GPSM1: variants seen among roughly 807,000 people sequenced by gnomAD.
GPSM1 encodes the protein G protein-signaling modulator 1.
GPSM1 carries 48 observed loss-of-function variants against 70.5 expected under a neutral mutation model. The ratio of observed to expected loss-of-function variants is 0.68; its 90% CI spans 0.54 to 0.87. GPSM1 has a LOEUF of 0.87. GPSM1 is among the 40% of genes least tolerant of loss of function. The pLI is 0.00. For synonymous variants in GPSM1, 416 were observed against 430.1 expected, an observed-to-expected ratio of 0.97 and a Z score of 0.41; for missense variants, 981 against 972.6, an observed-to-expected ratio of 1.01 and a Z score of -0.11.
intron 13 of GPSM1, among the ~76,000 whole-genome samples, chr9:136,357,695 G>A (rs1481347389): frequency 6.6e-6 from 1 of 152,212 alleles, no homozygotes; most frequent in African/African-American, 2.4e-5. Flanking sequence ...GTGGGGAGCA[G>A]GCATCCAACG....
chr9:136,335,928 G>C, intron 2 of GPSM1, 38 bp from the exon 3 acceptor site: 1 of 1,605,384 alleles, frequency 6.2e-7, no homozygotes, highest in South Asian at 1.1e-5. Flanking sequence ...GGCCTGACCA[G>C]TCCTCAGCCT....
At chr9:136,336,433 G>A (rs546634018) in intron 3 of GPSM1, among the ~76,000 whole-genome samples, 15 of 152,306 alleles carry the variant, frequency 9.8e-5, no homozygotes, top group Non-Finnish European at 1.3e-4. Flanking sequence ...TCTGGGCTGC[G>A]GCAGTGGGAG....
At position 136,358,408 on chromosome 9, in the gene GPSM1, G is replaced by T; in HGVS notation, c.*188G>T. The T allele has an allele frequency of 1.6e-6, 1 of 609,476 alleles. No individual in the cohort carries two copies. The highest frequency in any genetic ancestry group is 2.8e-6 in the Non-Finnish European group (1 of 356,000). The allele number at this position is 609,476 out of a possible 1,614,324, so 37.8% of individuals were successfully genotyped here. A position where few individuals can be genotyped will look rare whatever the true frequency, so the allele number is the denominator to read the frequency against. On this transcript the variant is annotated 3_prime_UTR_variant, in exon 14 of 14. Transcript: ENST00000440944. The stretch of plus-strand genomic sequence containing the variant: ...GTGGGAGGGCGTGCTTCCATCCCGG[G>T]CTGGCCCCCATGGCCCTCAGCTTCC...
chr9:136,355,083 G>A (rs183429929), intron 11 of GPSM1: 1 of 323,602 alleles, frequency 3.1e-6, no homozygotes, highest in East Asian at 2.9e-4. Context: ...CACATCCTGG[G>A]AGAGGGGTAG....
In GPSM1 at chr9:136,327,662, G is replaced by GCGCTCCCGGCTCC. The variant is rs1309899776; in HGVS notation, c.-25_-13dup. 1.2e-6 allele frequency: 1 copy of GCGCTCCCGGCTCC among 859,438 alleles called. No homozygotes were observed. Among genetic ancestry groups the GCGCTCCCGGCTCC allele is most frequent in the African/African-American group, 1.8e-5 (1 of 55,006 alleles). 53.2% of individuals were successfully genotyped at this position (859,438 alleles called of 1,614,324 possible). A position where few individuals can be genotyped will look rare whatever the true frequency, so the allele number is the denominator to read the frequency against. On this transcript the variant is annotated 5_prime_UTR_variant, in exon 1 of 14. Transcript: ENST00000440944. ...GGGGCGGACGGCCACGGCGCGGGGG[G>GCGCTCCCGGCTCC]CGCTCCCGGCTCCCGCTCCCGCGTC...
In GPSM1 at chr9:136,358,493, G is replaced by A; in HGVS notation, c.*273G>A. On this transcript the variant is annotated 3_prime_UTR_variant, in exon 14 of 14. Coordinates refer to ENST00000440944, the MANE Select transcript of GPSM1 (RefSeq NM_001145638.3). ...TTCGGCATGTCGGCCCCGACCTGGT[G>A]CTGTCAGACTCCCGCATCCTCTCCC... The A allele has an allele frequency of 1.8e-6, 1 of 546,214 alleles. No individual in the cohort carries two copies. The highest frequency in any genetic ancestry group is 3.2e-6 in the Non-Finnish European group (1 of 312,930). The allele number at this position is 546,214 out of a possible 1,614,324, so 33.8% of individuals were successfully genotyped here.
chr9:136,357,941 C>A, intron 13 of GPSM1, 73 bp from the exon 14 acceptor site: 1 of 1,225,386 alleles, frequency 8.2e-7, no homozygotes, highest in Non-Finnish European at 1.2e-6. Context: ...GCCTCTGGAA[C>A]CACCGCTGCT....
chr9:136,342,377 G>A lies in GPSM1; in HGVS notation c.1207+1384G>A, dbSNP rs1402434755. The stretch of plus-strand genomic sequence containing the variant: ...CGACGTTTTCTTTCTTGGAGCCAAG[G>A]AAAAGGGGGGCCGGAGTGGGAGGAC... On this transcript the variant is annotated intron_variant, in intron 9 of 13. Transcript: ENST00000440944. The surrounding 1 kb of genome is among the most constrained non-coding windows in gnomAD (Gnocchi z 5.5). Among the ~76,000 whole-genome samples the A allele has an allele frequency of 6.6e-6, 1 of 152,208 alleles. No homozygotes were observed. Among genetic ancestry groups the A allele is most frequent in the Non-Finnish European group, 1.5e-5 (1 of 68,024 alleles).
intron 13 of GPSM1, 43 bp downstream of exon 13, chr9:136,356,593 C>T (rs1554773234): frequency 6.8e-7 from 1 of 1,476,016 alleles, no homozygotes; most frequent in Non-Finnish European, 9.3e-7. Flanking sequence ...GGCCCCTTTG[C>T]CATCCACGTG....
At chr9:136,332,522 C>G (rs1832125830) in intron 1 of GPSM1, among the ~76,000 whole-genome samples, 2 of 152,216 alleles carry the variant, frequency 1.3e-5, no homozygotes, top group African/African-American at 4.8e-5. Flanking sequence ...CCCTCTCCTC[C>G]GATGTTGCCT....
Position 136,343,010 on chromosome 9 carries a change from G to C in GPSM1, c.1207+2017G>C, listed in dbSNP as rs540597852. 2.0e-5 allele frequency among the ~76,000 whole-genome samples: 3 copies of C among 152,222 alleles called. No individual in the cohort carries two copies. The highest frequency in any genetic ancestry group is 2.1e-4 in the South Asian group (1 of 4,830). On this transcript the variant is annotated intron_variant, in intron 9 of 13. Coordinates refer to ENST00000440944, the MANE Select transcript of GPSM1 (RefSeq NM_001145638.3). The surrounding 1 kb of genome is among the most constrained non-coding windows in gnomAD (Gnocchi z 6.0). The stretch of plus-strand genomic sequence containing the variant: ...CGTTGATAAACACAAGGAGACTTAC[G>C]TGCGGCTGGAGGACAAAGAGCCTTG...
intron 1 of GPSM1, among the ~76,000 whole-genome samples, 158 bp from the exon 2 acceptor site, chr9:136,334,289 A>G (rs957277550): frequency 1.9e-4 from 29 of 152,360 alleles, no homozygotes; most frequent in African/African-American, 6.7e-4. Context: ...ACGTGCTTCC[A>G]GGCCTGTATC....
At chr9:136,338,950 C>T (rs1832320447) in intron 7 of GPSM1, among the ~76,000 whole-genome samples, 1 of 152,198 alleles carries the variant, frequency 6.6e-6, no homozygotes, top group Non-Finnish European at 1.5e-5. Context: ...CCTGTTGCCC[C>T]CACCACCCAT....
intron 1 of GPSM1, among the ~76,000 whole-genome samples, chr9:136,329,672 C>T (rs1554768288): frequency 6.6e-6 from 1 of 152,218 alleles, no homozygotes; most frequent in Non-Finnish European, 1.5e-5. Flanking sequence ...ACTGACATTC[C>T]TTCCTGGAGA....
chr9:136,351,222 C>T (rs1832654226), intron 11 of GPSM1, among the ~76,000 whole-genome samples: 1 of 152,212 alleles, frequency 6.6e-6, no homozygotes, highest in African/African-American at 2.4e-5. Context: ...CCCAGCACTG[C>T]CCAACCATCT....
At position 136,336,901 on chromosome 9, in the gene GPSM1, A is replaced by C. The variant is rs782180954; in HGVS notation, c.427-20A>C. On this transcript the variant is annotated intron_variant, in intron 3 of 13. Transcript: ENST00000440944. ...GGGGGGCCGTGGAGGCATGCCCCCA[A>C]CCCTCCGTACTGCCCACAGGTTGGG... The C allele has an allele frequency of 1.9e-6, 3 of 1,546,890 alleles. No individual in the cohort carries two copies. Among genetic ancestry groups the C allele is most frequent in the South Asian group, 2.4e-5 (2 of 83,750 alleles).
intron 9 of GPSM1, among the ~76,000 whole-genome samples, chr9:136,347,555 G>A (rs113445785): frequency 7.9e-5 from 12 of 152,074 alleles, no homozygotes; most frequent in Non-Finnish European, 1.2e-4. Context: ...TTCCGCCGTC[G>A]TCCCCTCTGC....
At position 136,342,387 on chromosome 9, in the gene GPSM1, G is replaced by A. The variant is rs1200578665; in HGVS notation, c.1207+1394G>A. 6.6e-6 allele frequency among the ~76,000 whole-genome samples: 1 copy of A among 152,222 alleles called. No individual in the cohort carries two copies. Among genetic ancestry groups the A allele is most frequent in the African/African-American group, 2.4e-5 (1 of 41,462 alleles). ...TTTCTTGGAGCCAAGGAAAAGGGGG[G>A]CCGGAGTGGGAGGACGCTGGAACAA... On this transcript the variant is annotated intron_variant, in intron 9 of 13. Coordinates refer to ENST00000440944, the MANE Select transcript of GPSM1 (RefSeq NM_001145638.3). The surrounding 1 kb of genome is among the most constrained non-coding windows in gnomAD (Gnocchi z 5.5).
chr9:136,352,949 G>A (rs538005672), intron 11 of GPSM1: 104 of 221,754 alleles, frequency 4.7e-4, no homozygotes, highest in African/African-American at 2.1e-3. Flanking sequence ...GTGTGTGCAC[G>A]CACTCAAGTG....
Sources: allele counts gnomAD v4.1 joint callset (sites outside exome capture counted in the v4.1 genomes callset), GRCh38; gene constraint gnomAD v4.1.1; non-coding constraint Gnocchi (gnomAD v3.1); transcripts MANE v1.5; gene names NCBI Gene and HGNC (gene_info 2026-07-23, HGNC 2026-07-21).